DSCAM: variants seen among roughly 807,000 people sequenced by gnomAD.
The protein encoded by DSCAM is DS cell adhesion molecule.
A neutral mutation model predicts 217.7 loss-of-function variants in DSCAM; 47 were observed. The ratio of observed to expected loss-of-function variants is 0.22; its 90% CI spans 0.17 to 0.28. The LOEUF is 0.28. DSCAM is among the 10% of genes least tolerant of loss of function. The pLI is 1.00. For missense variants in DSCAM, 2,080 were observed against 2,618.3 expected (o/e 0.79, Z 4.49); for synonymous variants, 1,056 against 1,015.3 (o/e 1.04, Z -0.76).
intron 9 of DSCAM, among the ~76,000 whole-genome samples, chr21:40,297,271 A>G (rs1216502117): frequency 6.6e-6 from 1 of 152,176 alleles, no homozygotes; most frequent in Non-Finnish European, 1.5e-5. Context: ...AAGAAAGCAT[A>G]TTTTTTGAGA....
intron 1 of DSCAM, among the ~76,000 whole-genome samples, chr21:40,716,536 G>A (rs1419469986): frequency 6.6e-6 from 1 of 152,170 alleles, no homozygotes; most frequent in Non-Finnish European, 1.5e-5. Context: ...TTGGAGAATT[G>A]TTTCTTCAGT....
intron 3 of DSCAM, among the ~76,000 whole-genome samples, chr21:40,666,374 G>A (rs775681846): frequency 3.1e-4 from 47 of 152,054 alleles, no homozygotes; most frequent in Admixed American, 5.9e-4. Context: ...AGAAAACCGC[G>A]GAACAGAAGG....
chr21:40,500,317 T>C (rs768002687), intron 3 of DSCAM, among the ~76,000 whole-genome samples: 19 of 152,202 alleles, frequency 1.2e-4, no homozygotes, highest in African/African-American at 3.6e-4. Context: ...ATGAGTAACA[T>C]AGACATTCTA....
At chr21:40,412,653 T>C (rs994593641) in intron 3 of DSCAM, among the ~76,000 whole-genome samples, 1 of 152,234 alleles carries the variant, frequency 6.6e-6, no homozygotes, top group Non-Finnish European at 1.5e-5. Context: ...GTTAAAGGCA[T>C]TCAGTTTTAA....
At chr21:40,421,562 T>C (rs2075424419) in intron 3 of DSCAM, among the ~76,000 whole-genome samples, 3 of 152,182 alleles carry the variant, frequency 2.0e-5, no homozygotes, top group South Asian at 4.1e-4. Flanking sequence ...GCCAGCGCTG[T>C]GTGTTTTGAG....
intron 16 of DSCAM, among the ~76,000 whole-genome samples, chr21:40,164,870 A>T (rs1278032241): frequency 6.6e-6 from 1 of 152,236 alleles, no homozygotes; most frequent in Non-Finnish European, 1.5e-5. Flanking sequence ...AGAGGGTGTC[A>T]TTACAGAAGC....
chr21:40,447,699 C>G (rs1390753329), intron 3 of DSCAM, among the ~76,000 whole-genome samples: 2 of 152,194 alleles, frequency 1.3e-5, no homozygotes, highest in Admixed American at 6.5e-5. Context: ...TACATTTGTA[C>G]TTTCAGCAAC....
intron 8 of DSCAM, among the ~76,000 whole-genome samples, chr21:40,334,524 C>T (rs896632174): frequency 3.3e-5 from 5 of 152,138 alleles, no homozygotes; most frequent in Non-Finnish European, 4.4e-5. Context: ...CCTCTGCTCT[C>T]CCCCTGGTCC....
intron 3 of DSCAM, among the ~76,000 whole-genome samples, chr21:40,472,425 T>C (rs2075896713): frequency 2.6e-5 from 4 of 152,192 alleles, no homozygotes; most frequent in Admixed American, 2.6e-4. Flanking sequence ...TTTTAGGAAA[T>C]AATCATATTT....
intron 1 of DSCAM, among the ~76,000 whole-genome samples, chr21:40,714,720 G>T (rs2090822583): frequency 1.3e-5 from 2 of 152,186 alleles, no homozygotes; most frequent in Non-Finnish European, 2.9e-5. Flanking sequence ...TGAGACTTTG[G>T]ACTTTCAAAC....
intron 3 of DSCAM, among the ~76,000 whole-genome samples, chr21:40,683,528 G>C (rs570262933): frequency 6.6e-6 from 1 of 152,210 alleles, no homozygotes; most frequent in Admixed American, 6.5e-5. Context: ...AAAACTGGGG[G>C]ACCTGAGCAC....
chr21:40,233,199 G>A (rs1471133945), intron 11 of DSCAM, among the ~76,000 whole-genome samples: 1 of 151,912 alleles, frequency 6.6e-6, no homozygotes, highest in Non-Finnish European at 1.5e-5. Context: ...AATCCCTTAA[G>A]AGTACTTGTT....
chr21:40,526,545 G>A (rs1012086023), intron 3 of DSCAM, among the ~76,000 whole-genome samples: 7 of 152,132 alleles, frequency 4.6e-5, no homozygotes, highest in Admixed American at 2.6e-4. Context: ...AAAAGAGGAT[G>A]GGGTGAGAGA....
At chr21:40,202,656 C>T (rs915079646) in intron 11 of DSCAM, among the ~76,000 whole-genome samples, 8 of 152,352 alleles carry the variant, frequency 5.3e-5, no homozygotes, top group Non-Finnish European at 1.0e-4. Flanking sequence ...AATGGGCCAA[C>T]GCCCAGTATT....
At chr21:40,751,421 G>C (rs1720179454) in intron 1 of DSCAM, among the ~76,000 whole-genome samples, 1 of 152,198 alleles carries the variant, frequency 6.6e-6, no homozygotes, top group South Asian at 2.1e-4. Flanking sequence ...CCAGCAGCCA[G>C]AAACCATGTG....
At chr21:40,028,921 G>C (rs2088459620) in intron 32 of DSCAM, among the ~76,000 whole-genome samples, 1 of 151,746 alleles carries the variant, frequency 6.6e-6, no homozygotes, top group South Asian at 2.1e-4. Flanking sequence ...CCCTTGAAAT[G>C]AGGATAGCTA....
At chr21:40,562,706 C>A (rs2076729969) in intron 3 of DSCAM, among the ~76,000 whole-genome samples, 1 of 152,202 alleles carries the variant, frequency 6.6e-6, no homozygotes. Flanking sequence ...ACCAGACGCT[C>A]TGCTATGTGT....
chr21:40,242,027 A>G (rs1270093807), intron 11 of DSCAM, among the ~76,000 whole-genome samples: 1 of 152,154 alleles, frequency 6.6e-6, no homozygotes, highest in Non-Finnish European at 1.5e-5. Flanking sequence ...GGAAAGGAGC[A>G]GAAAAGACAA....
intron 3 of DSCAM, among the ~76,000 whole-genome samples, chr21:40,608,166 T>C (rs17000107): frequency 0.014 from 2,139 of 152,352 alleles, 47 homozygotes; most frequent in African/African-American, 0.048. Context: ...GCTGAAGTAT[T>C]TTTCTAGTGG....
Sources: gnomAD v4.1 joint callset for allele counts (sites outside exome capture counted in the v4.1 genomes callset) on GRCh38, gnomAD v4.1.1 for gene constraint, MANE v1.5 for transcripts, NCBI Gene and HGNC (gene_info 2026-07-23, HGNC 2026-07-21) for gene names.